Variants in SGCD observed in about 807,000 individuals in gnomAD.
SGCD encodes sarcoglycan delta, also known as delta-sarcoglycan.
A neutral mutation model predicts 36.6 loss-of-function variants in SGCD; 18 were observed. That is an observed-to-expected ratio of 0.49 (90% CI 0.34 to 0.73). The LOEUF (loss-of-function observed/expected upper bound fraction) is 0.73, where lower values mean the gene tolerates loss of function less well. Among genes scored for constraint, SGCD ranks in the 30% least tolerant of loss-of-function variants. SGCD has a pLI of 0.01. For synonymous variants in SGCD, 133 were observed against 130.6 expected (o/e 1.02, Z -0.12); for missense variants, 387 against 346.7 (o/e 1.12, Z -0.92).
chr5:156,181,004 T>C (rs1763592613), intron 3 of SGCD, among the ~76,000 whole-genome samples: 1 of 152,202 alleles, frequency 6.6e-6, no homozygotes, highest in Non-Finnish European at 1.5e-5. Context: ...TTAAGACAAA[T>C]GCATTTCTTT....
intron 3 of SGCD, among the ~76,000 whole-genome samples, chr5:156,193,456 A>T (rs1270393512): frequency 1.3e-5 from 2 of 152,148 alleles, no homozygotes; most frequent in Non-Finnish European, 2.9e-5. Context: ...GTAACCTCCA[A>T]AAGATGCTTG....
rs564826335 is a variant in SGCD, at chr5:156,416,484, A to T, written c.192+71807A>T. 2.6e-5 allele frequency among the ~76,000 whole-genome samples: 4 copies of T among 152,366 alleles called. No individual in the cohort carries two copies. In the South Asian group the frequency reaches 8.3e-4, roughly 32 times the overall value. ...ACTAAAGAACTTATTCATGTAGCCA[A>T]ATGCCACCTGTTCCCCAAAACACTA... On this transcript the variant is annotated intron_variant, in intron 3 of 8. Transcript: ENST00000337851.
At chr5:156,050,986 T>A (rs1421265727) in intron 1 of SGCD, among the ~76,000 whole-genome samples, 2 of 146,468 alleles carry the variant, frequency 1.4e-5, no homozygotes, top group East Asian at 3.8e-4. Flanking sequence ...GGTAACTTAT[T>A]CCCTTGTCCC....
the SGCD span, among the ~76,000 whole-genome samples, chr5:155,847,682 C>T: frequency 3.9e-5 from 6 of 152,166 alleles, no homozygotes; most frequent in Non-Finnish European, 7.3e-5. Context: ...AGAGAGGAAG[C>T]TTAAACCAGC....
rs1344362739 is a variant in SGCD, at chr5:156,767,597, G to C, written c.*8207G>C. 1 of 151,510 alleles carries C rather than the reference G, an allele frequency of 6.6e-6. No individual in the cohort carries two copies. The highest frequency in any genetic ancestry group is 2.4e-5 in the African/African-American group (1 of 41,256). 9.4% of individuals were successfully genotyped at this position (151,510 alleles called of 1,614,324 possible). A position where few individuals can be genotyped will look rare whatever the true frequency, so the allele number is the denominator to read the frequency against. ...GGTGTGATGTAAGAAGAGCTTTTTA[G>C]TTTTGTTTTGAATAACATCAATCCT... On this transcript the variant is annotated 3_prime_UTR_variant, in exon 9 of 9. Coordinates refer to ENST00000337851, the MANE Select transcript of SGCD (RefSeq NM_000337.6).
chr5:155,769,503 G>A, the SGCD span, among the ~76,000 whole-genome samples: 7 of 151,688 alleles, frequency 4.6e-5, no homozygotes, highest in African/African-American at 9.7e-5. Flanking sequence ...GAGGATACAA[G>A]TTCATGAGTC....
At chr5:155,810,066 G>A in the SGCD span, among the ~76,000 whole-genome samples, 1 of 152,120 alleles carries the variant, frequency 6.6e-6, no homozygotes, top group Non-Finnish European at 1.5e-5. Context: ...TTGATGTAGG[G>A]TTATTACTTT....
upstream of SGCD, among the ~76,000 whole-genome samples, chr5:156,326,068 G>T (rs1411998407): frequency 2.0e-5 from 3 of 152,148 alleles, no homozygotes; most frequent in Non-Finnish European, 4.4e-5. Flanking sequence ...ACAGAAAAAA[G>T]AAACAGTTCA....
chr5:156,649,046 C>T (rs901259236), intron 7 of SGCD, among the ~76,000 whole-genome samples: 12 of 152,062 alleles, frequency 7.9e-5, no homozygotes, highest in Admixed American at 2.0e-4. Flanking sequence ...AACAAATGGG[C>T]GAAGGATATG....
intron 4 of SGCD, among the ~76,000 whole-genome samples, chr5:156,579,051 T>G (rs1760118326): frequency 6.6e-6 from 1 of 152,234 alleles, no homozygotes; most frequent in Non-Finnish European, 1.5e-5. Context: ...GGGCATTTAG[T>G]GCTATAAATT....
At chr5:156,567,377 AATAGATAGATAGATAGATAGATAGATAG>A (rs35083006) in intron 4 of SGCD, among the ~76,000 whole-genome samples, 3 of 131,774 alleles carry the variant, frequency 2.3e-5, no homozygotes, top group Non-Finnish European at 3.2e-5. Context: ...TGGATAGATA[AATAGATAGATAGATAGATAGATAGATAG>A]ATAGATAGAT....
intron 4 of SGCD, among the ~76,000 whole-genome samples, chr5:156,549,150 T>G (rs1758695095): frequency 6.6e-6 from 1 of 152,068 alleles, no homozygotes. Flanking sequence ...TTAGGACTAT[T>G]TAACATTCTA....
At chr5:156,099,745 T>A (rs1407425699) in intron 1 of SGCD, among the ~76,000 whole-genome samples, 1 of 152,044 alleles carries the variant, frequency 6.6e-6, no homozygotes, top group Non-Finnish European at 1.5e-5. Context: ...CCTAATATGG[T>A]CTAGACTCAT....
intron 7 of SGCD, among the ~76,000 whole-genome samples, chr5:156,714,942 C>T (rs896730846): frequency 1.3e-5 from 2 of 152,070 alleles, no homozygotes; most frequent in Admixed American, 1.3e-4. Flanking sequence ...TAAATATATC[C>T]ATAAATATCG....
At chr5:155,883,247 C>T (rs928108936) in intron 1 of SGCD, among the ~76,000 whole-genome samples, 2 of 152,236 alleles carry the variant, frequency 1.3e-5, no homozygotes. Context: ...TGTTTTCTTA[C>T]CATTCATGTG....
intron 3 of SGCD, among the ~76,000 whole-genome samples, chr5:156,227,783 A>G (rs1764895441): frequency 6.6e-6 from 1 of 152,092 alleles, no homozygotes; most frequent in South Asian, 2.1e-4. Context: ...ATTTAGGGCT[A>G]TGAACTTTCC....
chr5:155,747,780 C>T, the SGCD span, among the ~76,000 whole-genome samples: 2 of 152,122 alleles, frequency 1.3e-5, no homozygotes, highest in Non-Finnish European at 2.9e-5. Flanking sequence ...TGCTCCTCCC[C>T]CCTTATCTGT....
intron 4 of SGCD, among the ~76,000 whole-genome samples, chr5:156,520,524 T>C (rs1004449190): frequency 2.4e-4 from 36 of 152,044 alleles, no homozygotes; most frequent in African/African-American, 8.5e-4. Context: ...ATTTTAGAAG[T>C]AGAGAAAACT....
At chr5:156,206,525 G>A (rs1365749082) in intron 3 of SGCD, among the ~76,000 whole-genome samples, 1 of 152,008 alleles carries the variant, frequency 6.6e-6, no homozygotes, top group Non-Finnish European at 1.5e-5. Context: ...TGTTTTTGTT[G>A]TGAAGCTCTT....
Sources: gnomAD v4.1 joint callset for allele counts (sites outside exome capture counted in the v4.1 genomes callset) on GRCh38, gnomAD v4.1.1 for gene constraint, MANE v1.5 for transcripts, NCBI Gene and HGNC (gene_info 2026-07-23, HGNC 2026-07-21) for gene names.